The following KIAA1217 variants were observed in gnomAD, a reference collection of about 807,000 sequenced individuals.
KIAA1217 encodes the protein sickle tail protein homolog.
KIAA1217 carries 88 observed loss-of-function variants against 163.9 expected under a neutral mutation model. The ratio of observed to expected loss-of-function variants is 0.54; its 90% CI spans 0.45 to 0.64. The LOEUF (loss-of-function observed/expected upper bound fraction) is 0.64, where lower values mean the gene tolerates loss of function less well. KIAA1217 is among the 30% of genes least tolerant of loss of function. The pLI is 0.00. For missense variants in KIAA1217, 2,372 were observed against 2,475.0 expected, an observed-to-expected ratio of 0.96 and a Z score of 0.88; for synonymous variants, 903 against 923.1, an observed-to-expected ratio of 0.98 and a Z score of 0.39.
At chr10:23,810,139 T>G (rs548013373) in intron 1 of KIAA1217, among the ~76,000 whole-genome samples, 1 of 151,886 alleles carries the variant, frequency 6.6e-6, no homozygotes, top group South Asian at 2.1e-4. Context: ...CATTGTTGAC[T>G]TAAGACATTT....
At chr10:23,942,945 C>CA (rs112348727) in intron 1 of KIAA1217, among the ~76,000 whole-genome samples, 5,189 of 100,696 alleles carry the variant, frequency 0.052, 139 homozygotes, top group African/African-American at 0.092. Flanking sequence ...CTGTCTGTAC[C>CA]AAAAAAAAAA....
At position 24,473,683 on chromosome 10, in the gene KIAA1217, T is replaced by A. The variant is rs1350240279; in HGVS notation, c.1302T>A (p.Ala434=). 6.2e-7 allele frequency: 1 copy of A among 1,614,124 alleles called. No homozygotes were observed. Among genetic ancestry groups the A allele is most frequent in the Non-Finnish European group, 8.5e-7 (1 of 1,180,032 alleles). ...GCACCGCCATCCGGTCAGCGAGTGC[T>A]TATTGTAACCCCTCAATGCAAGCGG... is the stretch of plus-strand genomic sequence containing the variant. ...YHRTAIRSAS[A]YCNPSMQAEM... is the part of the protein sequence containing the mutation. The change falls in exon 6 of 21, where the codon GCT becomes GCA. Residue 434 remains alanine, a synonymous_variant. Coordinates refer to ENST00000376454, the MANE Select transcript of KIAA1217 (RefSeq NM_019590.5).
intron 2 of KIAA1217, among the ~76,000 whole-genome samples, chr10:24,054,673 G>A (rs1205185450): frequency 6.6e-6 from 1 of 152,070 alleles, no homozygotes; most frequent in East Asian, 1.9e-4. Context: ...ATGTCATTAG[G>A]CAATTTCATC....
chr10:24,074,703 C>CTTTTTTTTTTT (rs35168053), intron 2 of KIAA1217, among the ~76,000 whole-genome samples: 1 of 99,488 alleles, frequency 1.0e-5, no homozygotes, highest in Non-Finnish European at 2.2e-5. Flanking sequence ...TCTTCTTCTT[C>CTTTTTTTTTTT]TTTTTTTTTT....
At chr10:23,885,110 T>C (rs763181410) in intron 1 of KIAA1217, among the ~76,000 whole-genome samples, 2 of 151,988 alleles carry the variant, frequency 1.3e-5, no homozygotes, top group African/African-American at 2.4e-5. Flanking sequence ...TTTTTGTGTT[T>C]TGTAGTTCAC....
intron 2 of KIAA1217, among the ~76,000 whole-genome samples, chr10:24,262,731 A>G (rs2075847775): frequency 6.6e-6 from 1 of 152,184 alleles, no homozygotes. Flanking sequence ...AAAATGCCTT[A>G]TAAAAGTACT....
At chr10:24,104,590 G>A (rs2062548382) in intron 2 of KIAA1217, among the ~76,000 whole-genome samples, 1 of 152,154 alleles carries the variant, frequency 6.6e-6, no homozygotes, top group Non-Finnish European at 1.5e-5. Flanking sequence ...ATAATGGTGA[G>A]TACAGGTAAT....
intron 2 of KIAA1217, among the ~76,000 whole-genome samples, chr10:24,332,403 A>T (rs918592276): frequency 6.6e-6 from 1 of 152,196 alleles, no homozygotes; most frequent in African/African-American, 2.4e-5. Flanking sequence ...CCTTGAAATG[A>T]CAAATCTGAA....
chr10:23,993,552 G>GTTTTTTTTTTTTTTTT (rs1564594837), intron 1 of KIAA1217, among the ~76,000 whole-genome samples: 2 of 39,438 alleles, frequency 5.1e-5, no homozygotes, highest in Non-Finnish European at 4.9e-5. Flanking sequence ...CCATAGCCCA[G>GTTTTTTTTTTTTTTTT]CTTTTTTTTT....
At chr10:24,033,008 G>C (rs1848249095) in intron 2 of KIAA1217, among the ~76,000 whole-genome samples, 1 of 152,106 alleles carries the variant, frequency 6.6e-6, no homozygotes, top group Non-Finnish European at 1.5e-5. Flanking sequence ...ATCCACTGTT[G>C]GTTCAGATAA....
chr10:24,436,065 T>C (rs2131892120), intron 4 of KIAA1217, among the ~76,000 whole-genome samples: 1 of 152,172 alleles, frequency 6.6e-6, no homozygotes, highest in African/African-American at 2.4e-5. Context: ...TTCACCATGT[T>C]GGCCAGGTTT....
intron 1 of KIAA1217, among the ~76,000 whole-genome samples, chr10:23,764,362 T>A (rs1280704871): frequency 6.6e-6 from 1 of 152,224 alleles, no homozygotes; most frequent in Non-Finnish European, 1.5e-5. Flanking sequence ...GATGGGAGTG[T>A]AAATTAGTTC....
At chr10:24,152,468 A>T (rs2064665502) in intron 2 of KIAA1217, among the ~76,000 whole-genome samples, 1 of 152,224 alleles carries the variant, frequency 6.6e-6, no homozygotes, top group South Asian at 2.1e-4. Context: ...CTGAAAGTTA[A>T]TGAATTACAA....
At chr10:24,339,945 T>C (rs1282001662) in intron 2 of KIAA1217, among the ~76,000 whole-genome samples, 2 of 152,150 alleles carry the variant, frequency 1.3e-5, no homozygotes, top group Non-Finnish European at 2.9e-5. Flanking sequence ...AACAGGTTCA[T>C]TGTTGAGAGT....
chr10:24,438,111 G>A (rs537519697), intron 4 of KIAA1217, among the ~76,000 whole-genome samples: 3 of 151,324 alleles, frequency 2.0e-5, no homozygotes, highest in South Asian at 2.1e-4. Context: ...AAGAAAGTTC[G>A]TGCCACCCAA....
intron 1 of KIAA1217, among the ~76,000 whole-genome samples, chr10:24,005,508 A>T (rs535878348): frequency 1.3e-5 from 2 of 152,330 alleles, no homozygotes; most frequent in African/African-American, 4.8e-5. Context: ...AAGTGGAAGG[A>T]TCCCAGACTT....
At chr10:24,117,198 C>T (rs191034811) in intron 2 of KIAA1217, among the ~76,000 whole-genome samples, 12 of 152,136 alleles carry the variant, frequency 7.9e-5, no homozygotes, top group Admixed American at 2.6e-4. Context: ...CCACCATGCC[C>T]GGCTAATTTT....
At chr10:24,470,864 G>T (rs115574095) in intron 5 of KIAA1217, among the ~76,000 whole-genome samples, 2 of 152,094 alleles carry the variant, frequency 1.3e-5, no homozygotes, top group Non-Finnish European at 2.9e-5. Context: ...ATTCTACACC[G>T]CTGGATCCTT....
chr10:23,756,609 G>A (rs2130846667), intron 1 of KIAA1217, among the ~76,000 whole-genome samples: 1 of 152,248 alleles, frequency 6.6e-6, no homozygotes, highest in South Asian at 2.1e-4. Flanking sequence ...TAAGCATAAA[G>A]GGACGATAGT....
Sources: allele counts gnomAD v4.1 joint callset (sites outside exome capture counted in the v4.1 genomes callset), GRCh38; gene constraint gnomAD v4.1.1; transcripts MANE v1.5; gene names NCBI Gene and HGNC (gene_info 2026-07-23, HGNC 2026-07-21).